DAAM2: variants seen among roughly 807,000 people sequenced by gnomAD.
DAAM2 encodes dishevelled associated activator of morphogenesis 2.
A neutral mutation model predicts 120.7 loss-of-function variants in DAAM2; 39 were observed. That is an observed-to-expected ratio of 0.32 (90% CI 0.25 to 0.42). The LOEUF is 0.42. Ranked by LOEUF, DAAM2 falls within the 10% of genes least tolerant of loss-of-function variation. The probability of loss-of-function intolerance (pLI) is 1.00; values close to 1 mark genes in which losing one functional copy is unlikely to be tolerated. For missense variants in DAAM2, 1,283 were observed against 1,401.7 expected, an observed-to-expected ratio of 0.92 and a Z score of 1.35; for synonymous variants, 488 against 524.9, an observed-to-expected ratio of 0.93 and a Z score of 0.96.
chr6:39,886,615 G>A (rs1351421517), intron 15 of DAAM2: 2 of 396,160 alleles, frequency 5.0e-6, no homozygotes, highest in African/African-American at 4.1e-5. Context: ...AAGAAATGTA[G>A]CAGAGGGAGG....
intron 1 of DAAM2, among the ~76,000 whole-genome samples, chr6:39,800,377 A>G (rs1761824640): frequency 6.6e-6 from 1 of 152,154 alleles, no homozygotes. Context: ...CATCAGAGTT[A>G]GGCTTACCTC....
chr6:39,901,427 GAGGAGGA>G lies in DAAM2; in HGVS notation c.2945_2951del (p.Lys982ArgfsTer12), dbSNP rs761438495. 2 of 1,613,032 alleles carry G rather than the reference GAGGAGGA, an allele frequency of 1.2e-6. No homozygotes were observed. Among genetic ancestry groups the G allele is most frequent in the African/African-American group, 1.3e-5 (1 of 75,026 alleles). On this transcript the variant is annotated frameshift_variant, in exon 24 of 25. Coordinates refer to ENST00000274867, the MANE Select transcript of DAAM2 (RefSeq NM_001201427.2). LOFTEE classifies it high-confidence loss of function. This position sits in a 1 kb window ranked among gnomAD's most constrained non-coding sequence, Gnocchi z 4.5. ...CCCGGCAGGATCTAGAGGCCATGAG[GAGGAGGA>G]AGGAGGAGGAGGAGCGGCGGGCGCG...
At chr6:39,887,669 G>A (rs988667317) in intron 16 of DAAM2, 77 bp downstream of exon 16, 49 of 970,704 alleles carry the variant, frequency 5.0e-5, no homozygotes, top group African/African-American at 3.2e-5. Context: ...TGGCAGTCTC[G>A]GGCCTCTCCC....
chr6:39,869,874 C>A (rs1441656324), intron 7 of DAAM2, among the ~76,000 whole-genome samples: 3 of 150,674 alleles, frequency 2.0e-5, no homozygotes, highest in East Asian at 2.0e-4. Flanking sequence ...TTGGTACCAC[C>A]TTTTCATGGC....
intron 1 of DAAM2, among the ~76,000 whole-genome samples, chr6:39,812,050 G>T (rs2987597): frequency 0.34 from 51,022 of 152,046 alleles, 9,367 homozygotes; most frequent in South Asian, 0.53. Context: ...ATAGGGCAGG[G>T]TGCATAGCCC....
chr6:39,803,194 A>G lies in DAAM2; in HGVS notation c.-57+10729A>G, dbSNP rs76331435. Among the ~76,000 whole-genome samples, 1,307 of 152,296 alleles carry G rather than the reference A, an allele frequency of 8.6e-3. 18 individuals are homozygous for G. The highest frequency in any genetic ancestry group is 0.029 in the African/African-American group (1,196 of 41,556). On this transcript the variant is annotated intron_variant, in intron 1 of 24. Coordinates refer to ENST00000274867, the MANE Select transcript of DAAM2 (RefSeq NM_001201427.2). ...CACATGAATGCGTTTTTCTTGGTAT[A>G]TTCCTGGGAGTAGAATTGCTAGAGC... is the stretch of plus-strand genomic sequence containing the variant.
intron 1 of DAAM2, among the ~76,000 whole-genome samples, chr6:39,795,631 T>C (rs570203348): frequency 1.3e-5 from 2 of 152,300 alleles, no homozygotes; most frequent in South Asian, 4.1e-4. Context: ...TTTTCAGCCA[T>C]CACAAGCCAG....
intron 1 of DAAM2, among the ~76,000 whole-genome samples, chr6:39,839,542 C>G (rs574143767): frequency 6.6e-6 from 1 of 152,316 alleles, no homozygotes; most frequent in South Asian, 2.1e-4. Context: ...AGGCTTAGGA[C>G]CTGAAGCCAA....
At chr6:39,898,730 AACATCAATGGCC>A (rs1430102241) in intron 21 of DAAM2, 135 bp from the exon 22 acceptor site, 1 of 708,888 alleles carries the variant, frequency 1.4e-6, no homozygotes, top group African/African-American at 1.8e-5. Flanking sequence ...TGTCAGGGCC[AACATCAATGGCC>A]ACACCAGGGC....
intron 1 of DAAM2, among the ~76,000 whole-genome samples, chr6:39,839,142 CT>C: frequency 6.6e-6 from 1 of 151,860 alleles, no homozygotes; most frequent in Admixed American, 6.6e-5. Flanking sequence ...CGTGATTCTA[CT>C]TTGCAGCCAG....
intron 1 of DAAM2, chr6:39,818,720 T>C (rs1412204290): frequency 6.6e-6 from 1 of 152,246 alleles, no homozygotes; most frequent in Non-Finnish European, 1.5e-5. Flanking sequence ...GAAGTATGCC[T>C]TGCAATTAAT....
intron 4 of DAAM2, 113 bp downstream of exon 4, chr6:39,864,620 G>A (rs1764350726): frequency 3.9e-6 from 3 of 776,594 alleles, no homozygotes; most frequent in African/African-American, 1.8e-5. Flanking sequence ...GCTCCTCAGC[G>A]CCCCACTGCC....
intron 7 of DAAM2, among the ~76,000 whole-genome samples, chr6:39,869,818 C>T (rs1243101645): frequency 6.9e-6 from 1 of 144,576 alleles, no homozygotes; most frequent in East Asian, 2.0e-4. Context: ...TTAGGGAAGG[C>T]CGGTTGGGGG....
At chr6:39,796,086 G>A (rs1254318746) in intron 1 of DAAM2, among the ~76,000 whole-genome samples, 6 of 152,142 alleles carry the variant, frequency 3.9e-5, no homozygotes, top group Admixed American at 6.5e-5. Context: ...TTTAGTCATT[G>A]CAAACATCTC....
chr6:39,882,719 GCACACACACA>G (rs1055877250), intron 14 of DAAM2, among the ~76,000 whole-genome samples: 2 of 87,740 alleles, frequency 2.3e-5, no homozygotes, highest in Non-Finnish European at 4.9e-5. Flanking sequence ...ACACACACAC[GCACACACACA>G]CACATACACA....
rs1341505766 is a variant in DAAM2 at position 39,901,177 on chromosome 6, C to T, written c.2812-125C>T. On this transcript the variant is annotated intron_variant, in intron 23 of 24. Coordinates refer to ENST00000274867, the MANE Select transcript of DAAM2 (RefSeq NM_001201427.2). This position sits in a 1 kb window ranked among gnomAD's most constrained non-coding sequence, Gnocchi z 4.5. ...GTCTTCTCACCTCTTCCAGCCCTGC[C>T]CCCTGTGCCAACAGTCCCCAGCCTT... is the stretch of plus-strand genomic sequence containing the variant. 1.2e-6 allele frequency: 1 copy of T among 801,486 alleles called. No homozygotes were observed. The allele number at this position is 801,486 out of a possible 1,614,324, so 49.6% of individuals were successfully genotyped here.
At chr6:39,831,430 C>T (rs1762883078) in intron 1 of DAAM2, among the ~76,000 whole-genome samples, 2 of 151,976 alleles carry the variant, frequency 1.3e-5, no homozygotes, top group Admixed American at 6.5e-5. Context: ...TTAATCCCCA[C>T]AATTAATCCC....
chr6:39,899,316 G>T (rs1766329427), intron 22 of DAAM2, among the ~76,000 whole-genome samples: 1 of 152,190 alleles, frequency 6.6e-6, no homozygotes, highest in South Asian at 2.1e-4. Context: ...TCTTCCTTAT[G>T]TCTCTCTGCC....
At chr6:39,811,016 T>G (rs1230021576) in intron 1 of DAAM2, among the ~76,000 whole-genome samples, 1 of 152,192 alleles carries the variant, frequency 6.6e-6, no homozygotes, top group African/African-American at 2.4e-5. Flanking sequence ...CATTCCACCC[T>G]GATGATGGCT....
Sources: gnomAD v4.1 joint callset for allele counts (sites outside exome capture counted in the v4.1 genomes callset) on GRCh38, gnomAD v4.1.1 for gene constraint, Gnocchi (gnomAD v3.1) non-coding constraint, MANE v1.5 for transcripts, NCBI Gene and HGNC (gene_info 2026-07-23, HGNC 2026-07-21) for gene names.